HNRNPA2B1: variants seen among roughly 807,000 people sequenced by gnomAD.
HNRNPA2B1 encodes the protein heterogeneous nuclear ribonucleoproteins A2/B1.
Under a neutral mutation model 46.3 loss-of-function variants are expected in HNRNPA2B1, and 3 were observed. The observed-to-expected ratio is 0.06, with a 90% confidence interval of 0.03 to 0.17. The LOEUF (loss-of-function observed/expected upper bound fraction) is 0.17, where lower values mean the gene tolerates loss of function less well. Among genes scored for constraint, HNRNPA2B1 ranks in the 10% least tolerant of loss-of-function variants. HNRNPA2B1 has a pLI of 1.00. For synonymous variants in HNRNPA2B1, 225 were observed against 133.8 expected, an observed-to-expected ratio of 1.68 and a Z score of -4.70; for missense variants, 221 against 418.9, an observed-to-expected ratio of 0.53 and a Z score of 4.12.
Position 26,190,192 on chromosome 7 carries a change from C to A in HNRNPA2B1, c.*2168G>T, listed in dbSNP as rs966732382. ...AATAGAATTGTAATCTGTCTACTCA[C>A]AAAACCTAATTTAAAACATGATACA... is the stretch of plus-strand genomic sequence containing the variant. On this transcript the variant is annotated 3_prime_UTR_variant, in exon 11 of 11. Coordinates refer to ENST00000618183, the MANE Select transcript of HNRNPA2B1 (RefSeq NM_002137.4). 1 of 152,588 alleles carries A rather than the reference C, an allele frequency of 6.6e-6. No homozygotes were observed. The highest frequency in any genetic ancestry group is 1.5e-5 in the Non-Finnish European group (1 of 68,014). 9.5% of individuals were successfully genotyped at this position (152,588 alleles called of 1,614,324 possible).
At position 26,190,567 on chromosome 7, in the gene HNRNPA2B1, T is replaced by C. The variant is rs1267721595; in HGVS notation, c.*1793A>G. The C allele has an allele frequency of 6.6e-6, 1 of 152,210 alleles. No homozygotes were observed. Among genetic ancestry groups the C allele is most frequent in the East Asian group, 1.9e-4 (1 of 5,206 alleles). 9.4% of individuals were successfully genotyped at this position (152,210 alleles called of 1,614,324 possible). A position where few individuals can be genotyped will look rare whatever the true frequency, so the allele number is the denominator to read the frequency against. ...GGATCAAAGAAGACTCATTGGTGTATAGAGTAAGCCCTGAGTATCACATTC... is the reference window on the plus strand; with the variant it reads ...GGATCAAAGAAGACTCATTGGTGTACAGAGTAAGCCCTGAGTATCACATTC... On this transcript the variant is annotated 3_prime_UTR_variant, in exon 11 of 11. Transcript: ENST00000618183.
At chr7:26,200,161 G>C (rs1739952980) in intron 1 of HNRNPA2B1, 1 of 227,788 alleles carries the variant, frequency 4.4e-6, no homozygotes, top group Admixed American at 5.2e-5. Flanking sequence ...CCGGTTCCCG[G>C]GAGAGAGGGG....
In HNRNPA2B1 at chr7:26,197,631, T is replaced by A. The variant is rs776676233; in HGVS notation, c.108A>T (p.Thr36=). The A allele has an allele frequency of 6.2e-7, 1 of 1,612,184 alleles. No individual in the cohort carries two copies. The highest frequency in any genetic ancestry group is 2.2e-5 in the East Asian group (1 of 44,852). The part of the protein sequence containing the change: ...RNYYEQWGKL[T]DCVVMRDPAS... ...TCAGTAATTTACATACCACACAGTCTGTAAGCTTTCCCCATTGTTCGTAGT... is the reference window on the plus strand; with the variant it reads ...TCAGTAATTTACATACCACACAGTCAGTAAGCTTTCCCCATTGTTCGTAGT... The change falls in exon 2 of 11, where the codon ACA becomes ACT. Residue 36 remains threonine (T), a synonymous_variant. Coordinates refer to ENST00000618183, the MANE Select transcript of HNRNPA2B1 (RefSeq NM_002137.4).
rs916605608 is a variant in HNRNPA2B1, at chr7:26,190,327, CCTTTT to C, written c.*2028_*2032del. 6.6e-6 allele frequency: 1 copy of C among 152,448 alleles called. No homozygotes were observed. The highest frequency in any genetic ancestry group is 1.5e-5 in the Non-Finnish European group (1 of 67,990). 9.4% of individuals were successfully genotyped at this position (152,448 alleles called of 1,614,324 possible). A position where few individuals can be genotyped will look rare whatever the true frequency, so the allele number is the denominator to read the frequency against. Reference sequence around the variant, plus strand: ...TGTTTGTTTTATCAGAAAACATTTCCCTTTTATTTTAAAGAGTGCTTTTTAAATGA... The same window carrying C: ...TGTTTGTTTTATCAGAAAACATTTCCATTTTAAAGAGTGCTTTTTAAATGA... On this transcript the variant is annotated 3_prime_UTR_variant, in exon 11 of 11. Transcript: ENST00000618183.
chr7:26,194,679 C>T (rs1783312150), intron 7 of HNRNPA2B1, among the ~76,000 whole-genome samples: 1 of 151,716 alleles, frequency 6.6e-6, no homozygotes, highest in African/African-American at 2.4e-5. Context: ...AGCAACAAAG[C>T]CAGACCCCAT....
intron 2 of HNRNPA2B1, 27 bp downstream of exon 2, chr7:26,197,595 C>G (rs1783793766): frequency 6.3e-7 from 1 of 1,575,792 alleles, no homozygotes; most frequent in Non-Finnish European, 8.7e-7. Context: ...AGACTAATAT[C>G]CAGTAACAAT....
At chr7:26,195,800 TTAAG>T (rs1483283392) in intron 7 of HNRNPA2B1, 43 bp downstream of exon 7, 1 of 1,588,242 alleles carries the variant, frequency 6.3e-7, no homozygotes, top group African/African-American at 1.4e-5. Context: ...TACGATATAG[TTAAG>T]TATTAGTCAC....
At chr7:26,197,780 G>A (rs1562718915) in intron 1 of HNRNPA2B1, 48 bp from the exon 2 acceptor site, 1 of 1,593,786 alleles carries the variant, frequency 6.3e-7, no homozygotes, top group African/African-American at 1.3e-5. Context: ...TTTCCTCTTT[G>A]TATGCAGGAA....
chr7:26,200,290 C>T (rs1169953764), intron 1 of HNRNPA2B1: 5 of 501,706 alleles, frequency 1.0e-5, no homozygotes, highest in Non-Finnish European at 1.8e-5. Context: ...TTCCCGCCTC[C>T]GCGCCCCACT....
intron 1 of HNRNPA2B1, chr7:26,199,989 A>G (rs1258116830): frequency 1.3e-5 from 2 of 155,436 alleles, no homozygotes. Context: ...AGCTCACAAA[A>G]CACTCCAAAT....
chr7:26,193,425 T>C (rs1425979002), intron 8 of HNRNPA2B1, 52 bp from the exon 9 acceptor site: 4 of 1,571,102 alleles, frequency 2.5e-6, no homozygotes. Context: ...ACCAAGGACT[T>C]AGGACAAAGC....
Position 26,200,515 on chromosome 7 carries a change from G to A in HNRNPA2B1, c.6+57C>T, listed in dbSNP as rs903293423. The A allele has an allele frequency of 6.9e-5, 109 of 1,590,916 alleles. No homozygotes were observed. The Admixed American group carries it at 8.5e-4, about 12-fold the overall frequency. ...GAGGCGGCTGGCCGACTTCCACTGA[G>A]GCGCCAACGGCCTCGCCATGCCCTT... On this transcript the variant is annotated intron_variant, in intron 1 of 10. Transcript: ENST00000618183.
chr7:26,197,885 CTTACA>C (rs1562719224), intron 1 of HNRNPA2B1, 153 bp from the exon 2 acceptor site: 1 of 1,562,962 alleles, frequency 6.4e-7, no homozygotes, highest in South Asian at 1.2e-5. Context: ...AAAAAAAAAA[CTTACA>C]TCAAATTTAA....
intron 1 of HNRNPA2B1, 25 bp downstream of exon 1, chr7:26,200,547 A>G: frequency 1.2e-6 from 2 of 1,612,448 alleles, no homozygotes; most frequent in Non-Finnish European, 1.7e-6. Flanking sequence ...CCTTTTCAAT[A>G]ACTCATTGAT....
chr7:26,196,304 G>T (rs535745370), intron 6 of HNRNPA2B1, 97 bp downstream of exon 6: 3 of 989,158 alleles, frequency 3.0e-6, no homozygotes, highest in Non-Finnish European at 4.5e-6. Context: ...TAGGAAAATT[G>T]ACTTAGGTTG....
In HNRNPA2B1 at chr7:26,193,678, A is replaced by G. The variant is rs372103090; in HGVS notation, c.738T>C (p.Gly246=). The G allele has an allele frequency of 6.6e-5, 106 of 1,611,672 alleles. No homozygotes were observed. Among genetic ancestry groups the G allele is most frequent in the Non-Finnish European group, 8.7e-5 (103 of 1,179,122 alleles). ...GGGPGGGNFG[G]SPGYGGGRGG... ...CTCTTCCTCCTCCATAACCGGGGCT[A>G]CCTCCAAAATTGCCACCTATTATAA... The change falls in exon 8 of 11, where the codon GGT becomes GGC. Residue 246 remains glycine (G), a synonymous_variant. Coordinates refer to ENST00000618183, the MANE Select transcript of HNRNPA2B1 (RefSeq NM_002137.4).
chr7:26,196,404 ATCC>A lies in HNRNPA2B1; in HGVS notation c.652_654del (p.Gly218del), dbSNP rs1176686690. 1.2e-6 allele frequency: 2 copies of A among 1,612,612 alleles called. No individual in the cohort carries two copies. The highest frequency in any genetic ancestry group is 1.7e-6 in the Non-Finnish European group (2 of 1,178,814). ...ACACGTAGAACTTGAAACTCACCAG[ATCC>A]TCCTCTAAAGTTACTTCCTGGTCCT... On this transcript the variant is annotated inframe_deletion, in exon 6 of 11. Transcript: ENST00000618183.
Position 26,193,592 on chromosome 7 carries a change from T to A in HNRNPA2B1, c.824A>T (p.Tyr275Phe), listed in dbSNP as rs1380157710. The change falls in exon 8 of 11, where the codon TAT (tyrosine) becomes TTT (phenylalanine). Residue 275 changes from tyrosine (Y) to phenylalanine (F), a missense_variant. This residue lies in a region of HNRNPA2B1 where 143 missense variants were observed against 200.5 expected (regional missense o/e 0.71). Coordinates refer to ENST00000618183, the MANE Select transcript of HNRNPA2B1 (RefSeq NM_002137.4). Reference protein sequence around the residue: ...GNQGGGYGGGYDNYGGGNYGS... With the variant: ...GNQGGGYGGGFDNYGGGNYGS... Reference sequence around the variant, plus strand: ...TTTATTACCTCCTCCATAGTTGTCATAACCACCTCCGTAGCCCCCACCCTG... The same window carrying A: ...TTTATTACCTCCTCCATAGTTGTCAAAACCACCTCCGTAGCCCCCACCCTG... 1 of 1,593,906 alleles carries A rather than the reference T, an allele frequency of 6.3e-7. No homozygotes were observed. The highest frequency in any genetic ancestry group is 1.1e-5 in the South Asian group (1 of 87,390).
chr7:26,192,603 AAAC>A (rs1562698218), intron 9 of HNRNPA2B1, 26 bp from the exon 10 acceptor site: 1 of 1,593,598 alleles, frequency 6.3e-7, no homozygotes. Flanking sequence ...CAGCAAGAGA[AAAC>A]AAACTTACTT....
Sources: gnomAD v4.1 joint callset for allele counts (sites outside exome capture counted in the v4.1 genomes callset) on GRCh38, gnomAD v4.1.1 for gene constraint, gnomAD v4.1.1 regional missense constraint, MANE v1.5 for transcripts, NCBI Gene and HGNC (gene_info 2026-07-23, HGNC 2026-07-21) for gene names.